RAD51B: variants seen among roughly 807,000 people sequenced by gnomAD.
The protein encoded by RAD51B is RAD51 paralog B.
Under a neutral mutation model 42.2 loss-of-function variants are expected in RAD51B, and 38 were observed. The ratio of observed to expected loss-of-function variants is 0.90; its 90% CI spans 0.70 to 1.18. The LOEUF (loss-of-function observed/expected upper bound fraction) is 1.18, where lower values mean the gene tolerates loss of function less well. Ranked by LOEUF, RAD51B falls within the 50% of genes most tolerant of loss-of-function variation. The pLI, the probability that RAD51B is intolerant of heterozygous loss-of-function variation, is 0.00. For missense variants in RAD51B, 373 were observed against 400.7 expected (o/e 0.93, Z 0.59); for synonymous variants, 154 against 145.2 (o/e 1.06, Z -0.43).
At chr14:68,171,888 G>A (rs1161938270) in intron 7 of RAD51B, among the ~76,000 whole-genome samples, 2 of 151,640 alleles carry the variant, frequency 1.3e-5, no homozygotes, top group African/African-American at 4.9e-5. Context: ...TGTATTTTTA[G>A]TAGATACAAG....
chr14:68,430,005 A>ATTT (rs1307553206), intron 9 of RAD51B, among the ~76,000 whole-genome samples: 49 of 152,202 alleles, frequency 3.2e-4, no homozygotes, highest in Admixed American at 1.2e-3. Flanking sequence ...TAAATAGGGA[A>ATTT]TCCTTTCCCC....
intron 8 of RAD51B, among the ~76,000 whole-genome samples, chr14:68,359,521 A>G (rs1421755832): frequency 1.3e-5 from 2 of 152,136 alleles, no homozygotes; most frequent in Non-Finnish European, 2.9e-5. Context: ...TGGGAAACGC[A>G]AACAGCTGCT....
rs59465805 is a variant in RAD51B, at chr14:67,948,931, C to CAAAAAAAAAAAAAAAAAAAA, written c.756+61735_756+61754dup. Among the ~76,000 whole-genome samples the CAAAAAAAAAAAAAAAAAAAA allele has an allele frequency of 3.5e-4, 6 of 17,070 alleles. 1 individual carries two copies. The highest frequency in any genetic ancestry group is 3.8e-4 in the African/African-American group (2 of 5,214). 11.2% of individuals were successfully genotyped at this position (17,070 alleles called of 152,430 possible). On this transcript the variant is annotated intron_variant, in intron 7 of 10. Transcript: ENST00000471583. ...TGGGTGACAGAGTGAGACTCTGTCT[C>CAAAAAAAAAAAAAAAAAAAA]AAAAAAAAAAAAAAAAAAAAAAAAA...
At chr14:68,125,971 G>A (rs919831362) in intron 7 of RAD51B, among the ~76,000 whole-genome samples, 1 of 152,114 alleles carries the variant, frequency 6.6e-6, no homozygotes. Flanking sequence ...TTAAGAAGTT[G>A]AAGTAAGTCA....
At chr14:68,363,975 T>C (rs971286234) in intron 8 of RAD51B, among the ~76,000 whole-genome samples, 2 of 152,162 alleles carry the variant, frequency 1.3e-5, no homozygotes, top group African/African-American at 2.4e-5. Context: ...TGCAGGCTTG[T>C]TTGCCCACAC....
chr14:67,937,447 A>G (rs1333938942), intron 7 of RAD51B, among the ~76,000 whole-genome samples: 4 of 152,250 alleles, frequency 2.6e-5, no homozygotes, highest in Admixed American at 2.6e-4. Context: ...CGATAATTCT[A>G]CTTTTGTCAA....
At chr14:68,357,637 G>A (rs1357418280) in intron 8 of RAD51B, among the ~76,000 whole-genome samples, 3 of 152,116 alleles carry the variant, frequency 2.0e-5, no homozygotes, top group African/African-American at 4.8e-5. Flanking sequence ...TGATCCATGG[G>A]CCGCAGCAGG....
intron 10 of RAD51B, among the ~76,000 whole-genome samples, chr14:68,569,569 C>A (rs569979462): frequency 5.3e-5 from 8 of 152,324 alleles, no homozygotes; most frequent in Non-Finnish European, 8.8e-5. Flanking sequence ...AAAGAAAAGT[C>A]CTGAATAGCT....
At chr14:68,346,735 C>G (rs1446067135) in intron 8 of RAD51B, among the ~76,000 whole-genome samples, 1 of 152,168 alleles carries the variant, frequency 6.6e-6, no homozygotes, top group East Asian at 1.9e-4. Context: ...ATACAGGGAC[C>G]TCAAGGTCTG....
chr14:68,596,574 TTCC>T (rs1419763541), downstream of RAD51B, among the ~76,000 whole-genome samples: 1 of 152,222 alleles, frequency 6.6e-6, no homozygotes, highest in Admixed American at 6.5e-5. Flanking sequence ...TAGGACCGTG[TTCC>T]CCATAGAGTA....
chr14:68,090,606 A>C (rs1308574677), intron 7 of RAD51B, among the ~76,000 whole-genome samples: 2 of 151,918 alleles, frequency 1.3e-5, no homozygotes, highest in Non-Finnish European at 2.9e-5. Context: ...AACATACCCT[A>C]ATTTTTTACA....
intron 10 of RAD51B, among the ~76,000 whole-genome samples, chr14:68,560,788 C>T (rs755698247): frequency 3.9e-4 from 60 of 152,052 alleles, no homozygotes; most frequent in Middle Eastern, 6.8e-3. Flanking sequence ...CCCCGCCCCA[C>T]ACACACTTCT....
In RAD51B at chr14:68,407,233, A is replaced by G. The variant is rs184496329; in HGVS notation, c.854-4191A>G. On this transcript the variant is annotated intron_variant, in intron 8 of 10. Transcript: ENST00000471583. Reference sequence around the variant, plus strand: ...CATCAATATAGATATGATAAAAAGTATAGTAAATACATAAAAGTGTAGTAA... The same window carrying G: ...CATCAATATAGATATGATAAAAAGTGTAGTAAATACATAAAAGTGTAGTAA... Among the ~76,000 whole-genome samples the G allele has an allele frequency of 5.3e-5, 8 of 152,358 alleles. No individual in the cohort carries two copies. The East Asian group carries it at 7.7e-4, about 15-fold the overall frequency.
chr14:68,480,496 C>A (rs1883092845), downstream of RAD51B, among the ~76,000 whole-genome samples: 1 of 152,164 alleles, frequency 6.6e-6, no homozygotes, highest in Non-Finnish European at 1.5e-5. Context: ...AGACACCCCA[C>A]TCATTCTGGA....
intron 7 of RAD51B, among the ~76,000 whole-genome samples, chr14:67,996,998 T>C (rs2075396435): frequency 6.6e-6 from 1 of 152,190 alleles, no homozygotes; most frequent in African/African-American, 2.4e-5. Flanking sequence ...TGTTTGTTTT[T>C]TCCTGTGTAA....
intron 7 of RAD51B, among the ~76,000 whole-genome samples, chr14:67,916,312 C>T (rs1364015716): frequency 6.6e-6 from 1 of 151,878 alleles, no homozygotes; most frequent in African/African-American, 2.4e-5. Flanking sequence ...AGACTGGTCT[C>T]ACTTTGTCGC....
At chr14:67,975,117 G>A (rs2074967650) in intron 7 of RAD51B, among the ~76,000 whole-genome samples, 1 of 152,156 alleles carries the variant, frequency 6.6e-6, no homozygotes, top group African/African-American at 2.4e-5. Flanking sequence ...AATGGTTTCT[G>A]TGGGCTAGTA....
At chr14:68,088,886 G>C (rs1042184646) in intron 7 of RAD51B, among the ~76,000 whole-genome samples, 2 of 152,080 alleles carry the variant, frequency 1.3e-5, no homozygotes, top group South Asian at 4.1e-4. Context: ...TAATTAAGTG[G>C]TGAGGATGGA....
In RAD51B at chr14:68,390,102, T is replaced by C. The variant is rs558280384; in HGVS notation, c.854-21322T>C. On this transcript the variant is annotated intron_variant, in intron 8 of 10. Transcript: ENST00000471583. ...CACATCTGTTTGGGATCATAAGAAA[T>C]AATACTTACATAACATTTTGGAATC... Among the ~76,000 whole-genome samples, 5 of 152,312 alleles carry C rather than the reference T, an allele frequency of 3.3e-5. No homozygotes were observed. The South Asian group carries it at 1.0e-3, about 32-fold the overall frequency.
Sources: gnomAD v4.1 joint callset for allele counts (sites outside exome capture counted in the v4.1 genomes callset) on GRCh38, gnomAD v4.1.1 for gene constraint, MANE v1.5 for transcripts, NCBI Gene and HGNC (gene_info 2026-07-23, HGNC 2026-07-21) for gene names.